Variants in SHOC1 observed in about 807,000 individuals in gnomAD.
SHOC1 encodes protein shortage in chiasmata 1 ortholog.
SHOC1 carries 136 observed loss-of-function variants against 179.2 expected under a neutral mutation model. That is an observed-to-expected ratio of 0.76 (90% CI 0.66 to 0.87). The LOEUF is 0.87. Ranked by LOEUF, SHOC1 falls within the 40% of genes least tolerant of loss-of-function variation. The pLI is 0.00. For missense variants in SHOC1, 1,538 were observed against 1,700.8 expected (o/e 0.90, Z 1.68); for synonymous variants, 489 against 586.6 (o/e 0.83, Z 2.41).
intron 7 of SHOC1, among the ~76,000 whole-genome samples, chr9:111,757,089 AGTT>A (rs1218071430): frequency 4.6e-5 from 7 of 152,172 alleles, no homozygotes; most frequent in Non-Finnish European, 8.8e-5. Flanking sequence ...AAACATTTTA[AGTT>A]GTCCTAAAAA....
At chr9:111,701,710 AGTT>A (rs991450708) in intron 23 of SHOC1, among the ~76,000 whole-genome samples, 10 of 152,276 alleles carry the variant, frequency 6.6e-5, no homozygotes, top group African/African-American at 2.2e-4. Context: ...ACTTGGTAGA[AGTT>A]ATTTGTTAAT....
In SHOC1 at chr9:111,694,202, T is replaced by G. The variant is rs766946009; in HGVS notation, c.3315+29A>C. The stretch of plus-strand genomic sequence containing the variant: ...CAGGTTTTTATATTTGCTTTGCAAT[T>G]ATCTATTTTACACATTTAGAAAATA... On this transcript the variant is annotated intron_variant, in intron 25 of 27. Transcript: ENST00000682961. 3.2e-6 allele frequency: 5 copies of G among 1,554,006 alleles called. No homozygotes were observed. The Admixed American group carries it at 9.8e-5, about 31-fold the overall frequency.
At chr9:111,794,180 G>A (rs1836543759) in intron 1 of SHOC1, among the ~76,000 whole-genome samples, 1 of 151,476 alleles carries the variant, frequency 6.6e-6, no homozygotes, top group Non-Finnish European at 1.5e-5. Flanking sequence ...GCACTCACAG[G>A]TGAGTGTGAA....
chr9:111,748,296 G>T, intron 8 of SHOC1, 97 bp from the exon 9 acceptor site: 2 of 791,004 alleles, frequency 2.5e-6, no homozygotes, highest in Non-Finnish European at 4.1e-6. Context: ...TATCTTTATT[G>T]TTTTATTGCA....
intron 5 of SHOC1, among the ~76,000 whole-genome samples, chr9:111,760,187 T>C (rs749840437): frequency 6.6e-6 from 1 of 152,222 alleles, no homozygotes; most frequent in Non-Finnish European, 1.5e-5. Context: ...ACTAAATGGC[T>C]GACATCTGAA....
rs1589383133 is a variant in SHOC1, at chr9:111,703,922, C to T, written c.2926G>A (p.Val976Ile). The change falls in exon 22 of 28, where the codon GTA (valine) becomes ATA (isoleucine). Residue 976 changes from valine (V) to isoleucine (I), a missense_variant. By Grantham distance (29) the Val-to-Ile change is conservative (BLOSUM62 3). Coordinates refer to ENST00000682961, the MANE Select transcript of SHOC1 (RefSeq NM_001378211.1). ...LKLFGSSECY[V>I]VVTIDEHTAI... ...GTGTGTTCATCAATTGTCACCACTA[C>T]ATAACACTCTGAACTTCCAAAGAGT... 6.2e-7 allele frequency: 1 copy of T among 1,610,406 alleles called. No individual in the cohort carries two copies. The highest frequency in any genetic ancestry group is 2.2e-5 in the East Asian group (1 of 44,718).
intron 12 of SHOC1, among the ~76,000 whole-genome samples, chr9:111,729,455 T>C (rs1361026679): frequency 1.3e-5 from 2 of 152,130 alleles, no homozygotes; most frequent in African/African-American, 2.4e-5. Context: ...AGAGTGGTGG[T>C]TGCTAAAGGT....
intron 3 of SHOC1, among the ~76,000 whole-genome samples, chr9:111,782,830 C>T (rs572534676): frequency 1.8e-4 from 27 of 152,316 alleles, no homozygotes; most frequent in Non-Finnish European, 2.4e-4. Context: ...CCATTATCCA[C>T]TTTCAGTGTA....
At chr9:111,726,836 G>A (rs1355376940) in intron 13 of SHOC1, among the ~76,000 whole-genome samples, 3 of 152,210 alleles carry the variant, frequency 2.0e-5, no homozygotes, top group East Asian at 3.9e-4. Context: ...AAAGATACCT[G>A]TATTTATGAT....
intron 12 of SHOC1, among the ~76,000 whole-genome samples, chr9:111,736,547 C>T (rs953178133): frequency 6.6e-6 from 1 of 152,088 alleles, no homozygotes; most frequent in African/African-American, 2.4e-5. Context: ...TATCTTTCAC[C>T]ATATATAAAA....
chr9:111,698,551 T>C lies in SHOC1; in HGVS notation c.3183+1403A>G, dbSNP rs1831814921. On this transcript the variant is annotated intron_variant, in intron 24 of 27. Transcript: ENST00000682961. Reference sequence around the variant, plus strand: ...GGCTCTGTTCTGTTCCATTGGTCTATATCTCTGTTTTGGTACCAGTACCAT... The same window carrying C: ...GGCTCTGTTCTGTTCCATTGGTCTACATCTCTGTTTTGGTACCAGTACCAT... 2.6e-5 allele frequency among the ~76,000 whole-genome samples: 4 copies of C among 152,210 alleles called. No homozygotes were observed. The South Asian group carries it at 8.3e-4, about 31-fold the overall frequency.
chr9:111,756,709 C>T (rs1834878053), intron 7 of SHOC1, among the ~76,000 whole-genome samples: 1 of 152,142 alleles, frequency 6.6e-6, no homozygotes, highest in Non-Finnish European at 1.5e-5. Flanking sequence ...TCACTCATTA[C>T]ATTAGTGGTG....
At chr9:111,736,671 T>C (rs1833824483) in intron 12 of SHOC1, among the ~76,000 whole-genome samples, 2 of 152,206 alleles carry the variant, frequency 1.3e-5, no homozygotes, top group Non-Finnish European at 2.9e-5. Context: ...AATTTATGAT[T>C]AAGTCCTCAA....
At chr9:111,705,873 C>T (rs554618715) in intron 20 of SHOC1, among the ~76,000 whole-genome samples, 14 of 152,014 alleles carry the variant, frequency 9.2e-5, no homozygotes, top group African/African-American at 3.4e-4. Flanking sequence ...AAAAGATATA[C>T]ACAGGTAATT....
chr9:111,722,571 C>G lies in SHOC1; in HGVS notation c.1969G>C (p.Ala657Pro), dbSNP rs1178139678. Reference protein sequence around the residue: ...EIQASDSQCQAFCLLEAAASP... With the variant: ...EIQASDSQCQPFCLLEAAASP... ...GCTGCTGCTTCGAGGAGGCAAAATG[C>G]TTGGCACTGGCTATCTGCAAAAATA... Residue 657 changes from alanine to proline, a missense_variant, in exon 15 of 28, where the codon GCA becomes CCA. Coordinates refer to ENST00000682961, the MANE Select transcript of SHOC1 (RefSeq NM_001378211.1). 1 of 1,601,738 alleles carries G rather than the reference C, an allele frequency of 6.2e-7. No homozygotes were observed. The highest frequency in any genetic ancestry group is 8.5e-7 in the Non-Finnish European group (1 of 1,177,478).
Position 111,748,077 on chromosome 9 carries a change from T to C in SHOC1, c.970+15A>G. 6.4e-7 allele frequency: 1 copy of C among 1,563,320 alleles called. No homozygotes were observed. Among genetic ancestry groups the C allele is most frequent in the Non-Finnish European group, 8.8e-7 (1 of 1,134,266 alleles). ...GTAATCCCCAATAAGCTCAATGATT[T>C]ATCAAAATTTCTACCTGGTTTACTG... On this transcript the variant is annotated intron_variant, in intron 9 of 27. Coordinates refer to ENST00000682961, the MANE Select transcript of SHOC1 (RefSeq NM_001378211.1).
intron 3 of SHOC1, 63 bp from the exon 4 acceptor site, chr9:111,781,080 C>G: frequency 9.3e-7 from 1 of 1,071,456 alleles, no homozygotes; most frequent in Non-Finnish European, 1.4e-6. Flanking sequence ...TTCAAGGAAG[C>G]CAAACATTCA....
intron 17 of SHOC1, among the ~76,000 whole-genome samples, 155 bp from the exon 18 acceptor site, chr9:111,713,327 TAAACTC>T (rs1027058660): frequency 3.9e-5 from 6 of 152,210 alleles, no homozygotes; most frequent in African/African-American, 1.2e-4. Context: ...TGTCAATACT[TAAACTC>T]AAGGAATATA....
intron 18 of SHOC1, 21 bp from the exon 19 acceptor site, chr9:111,707,945 T>G: frequency 7.0e-7 from 1 of 1,434,746 alleles, no homozygotes; most frequent in Non-Finnish European, 9.5e-7. Flanking sequence ...AAAGAATAAT[T>G]TTTTTCAGTG....
Sources: gnomAD v4.1 joint callset for allele counts (sites outside exome capture counted in the v4.1 genomes callset) on GRCh38, gnomAD v4.1.1 for gene constraint, MANE v1.5 for transcripts, NCBI Gene and HGNC (gene_info 2026-07-23, HGNC 2026-07-21) for gene names.